The following ANK1 variants were observed in gnomAD, a reference collection of about 807,000 sequenced individuals.
The protein encoded by ANK1 is ankyrin-1.
In ANK1, 51 loss-of-function variants were observed where a neutral mutation model predicts 210.4. That is an observed-to-expected ratio of 0.24 (90% CI 0.19 to 0.31). ANK1 has a LOEUF of 0.31. Among genes scored for constraint, ANK1 ranks in the 10% least tolerant of loss-of-function variants. The probability of loss-of-function intolerance (pLI) is 1.00; values close to 1 mark genes in which losing one functional copy is unlikely to be tolerated. For synonymous variants in ANK1, 967 were observed against 1,025.9 expected (o/e 0.94, Z 1.10); for missense variants, 2,051 against 2,504.4 (o/e 0.82, Z 3.86).
At chr8:41,793,510 G>A (rs1848166223) in intron 1 of ANK1, among the ~76,000 whole-genome samples, 1 of 152,232 alleles carries the variant, frequency 6.6e-6, no homozygotes, top group South Asian at 2.1e-4. Context: ...AAAGTGAAGT[G>A]GTAAGATTTG....
At chr8:41,820,235 C>A (rs747561518) in intron 1 of ANK1, among the ~76,000 whole-genome samples, 4 of 151,724 alleles carry the variant, frequency 2.6e-5, no homozygotes, top group Admixed American at 2.6e-4. Context: ...TCATTGCTTA[C>A]TGCAGCCTCA....
At chr8:41,684,715 C>T (rs779496057) in intron 36 of ANK1, 25 bp from the exon 37 acceptor site, 29 of 1,611,464 alleles carry the variant, frequency 1.8e-5, no homozygotes, top group African/African-American at 6.7e-5. Flanking sequence ...GAGAGATGCA[C>T]GTTACTCCAG....
At chr8:41,843,224 G>A (rs555534453) in intron 1 of ANK1, among the ~76,000 whole-genome samples, 6 of 152,334 alleles carry the variant, frequency 3.9e-5, no homozygotes, top group African/African-American at 1.4e-4. Flanking sequence ...CGGTACGTGA[G>A]AGATTTTGTT....
chr8:41,661,918 C>G lies in ANK1; in HGVS notation c.5502G>C (p.Gln1834His). The change falls in exon 41 of 43, where the codon CAG (glutamine) becomes CAC (histidine). Residue 1834 changes from glutamine (Q) to histidine (H), a missense_variant. Gln to His is a conservative substitution (Grantham distance 24). Around this residue, in one of 6 missense-constraint regions of ANK1, gnomAD observed 496 missense variants for 533.4 expected, o/e 0.93. Transcript: ENST00000289734. ...CGGCATCGGCGCTGGACAAGTCTAT[C>G]TGTCGAACCACCTTGCGAATGATCT... ...TKKIIRKVVRQIDLSSADAAQ... is the reference protein window; with the variant it reads ...TKKIIRKVVRHIDLSSADAAQ... The G allele has an allele frequency of 3.1e-6, 5 of 1,614,084 alleles. No homozygotes were observed. Among genetic ancestry groups the G allele is most frequent in the Non-Finnish European group, 4.2e-6 (5 of 1,180,022 alleles).
chr8:41,859,968 C>T (rs1317746061), intron 1 of ANK1, among the ~76,000 whole-genome samples: 1 of 142,762 alleles, frequency 7.0e-6, no homozygotes, highest in East Asian at 2.0e-4. Context: ...AGGGCTTGAT[C>T]TCACTAAAGA....
intron 2 of ANK1, among the ~76,000 whole-genome samples, chr8:41,744,994 A>C (rs985779933): frequency 6.6e-6 from 1 of 152,212 alleles, no homozygotes; most frequent in Non-Finnish European, 1.5e-5. Flanking sequence ...GGCTGATGAG[A>C]CATGACAACT....
At chr8:41,717,266 C>T (rs942898797) in intron 12 of ANK1, among the ~76,000 whole-genome samples, 3 of 152,070 alleles carry the variant, frequency 2.0e-5, no homozygotes, top group African/African-American at 4.8e-5. Context: ...CAGGTGCATG[C>T]GTGTATATGA....
intron 1 of ANK1, among the ~76,000 whole-genome samples, chr8:41,782,352 G>A (rs1481026779): frequency 6.6e-6 from 1 of 152,186 alleles, no homozygotes; most frequent in Non-Finnish European, 1.5e-5. Flanking sequence ...TTCTTGGGTG[G>A]GTATTTCAAA....
intron 24 of ANK1, 28 bp from the exon 25 acceptor site, chr8:41,696,801 C>A: frequency 6.3e-7 from 1 of 1,578,746 alleles, no homozygotes; most frequent in South Asian, 1.1e-5. Flanking sequence ...GTCCTCCTGT[C>A]CCACCTCCTC....
intron 1 of ANK1, among the ~76,000 whole-genome samples, chr8:41,822,108 G>A (rs11785783): frequency 3.6e-4 from 11 of 30,826 alleles, no homozygotes; most frequent in South Asian, 1.2e-3. Context: ...GAGAGAGAGA[G>A]AGAGAGAAAG....
At chr8:41,819,703 C>T (rs962262619) in intron 1 of ANK1, among the ~76,000 whole-genome samples, 2 of 152,238 alleles carry the variant, frequency 1.3e-5, no homozygotes, top group Non-Finnish European at 2.9e-5. Flanking sequence ...GAGAACGCTG[C>T]TTATGGCTTG....
intron 1 of ANK1, among the ~76,000 whole-genome samples, chr8:41,836,231 G>A (rs112549198): frequency 0.012 from 1,866 of 152,318 alleles, 42 homozygotes; most frequent in African/African-American, 0.041. Flanking sequence ...AGATCCCGTC[G>A]CAACAAAATG....
intron 1 of ANK1, among the ~76,000 whole-genome samples, chr8:41,861,936 C>T (rs1324229822): frequency 3.3e-5 from 5 of 152,226 alleles, no homozygotes; most frequent in African/African-American, 9.6e-5. Context: ...CTTGCACGCT[C>T]CTGCCTTAAA....
intron 4 of ANK1, 135 bp downstream of exon 4, chr8:41,727,773 C>A: frequency 3.7e-6 from 3 of 802,826 alleles, no homozygotes; most frequent in Non-Finnish European, 6.4e-6. Flanking sequence ...CAGAGACATG[C>A]TCCTGAGAAA....
At chr8:41,858,902 G>T (rs185749835) in intron 1 of ANK1, among the ~76,000 whole-genome samples, 2 of 152,344 alleles carry the variant, frequency 1.3e-5, no homozygotes, top group East Asian at 3.9e-4. Flanking sequence ...CCCTAGAGGA[G>T]GGTGGATGAC....
rs1828243283 is a variant in ANK1, at chr8:41,718,190, G to A, written c.1122C>T (p.Pro374=). ...GGTTCTTTTTGCAGGCGATGTGTAA[G>A]GGGGTAAAGCCATTCTGCAGCCCAC... ...PNSRALNGFT[P]LHIACKKNHV... Residue 374 remains proline, a synonymous_variant, in exon 11 of 43, where the codon CCC becomes CCT. Transcript: ENST00000289734. 1 of 1,613,898 alleles carries A rather than the reference G, an allele frequency of 6.2e-7. No individual in the cohort carries two copies. Among genetic ancestry groups the A allele is most frequent in the East Asian group, 2.2e-5 (1 of 44,862 alleles).
Position 41,704,311 on chromosome 8 carries a change from C to A in ANK1, c.2196+63G>T. ...CCTAGTGCTCCCAGAGCAGCTCTGG[C>A]TTTACCCTGATGTGGCATGGAGAAG... On this transcript the variant is annotated intron_variant, in intron 19 of 42. Coordinates refer to ENST00000289734, the MANE Select transcript of ANK1 (RefSeq NM_000037.4). This position sits in a 1 kb window ranked among gnomAD's most constrained non-coding sequence, Gnocchi z 4.1. The A allele has an allele frequency of 6.5e-7, 1 of 1,531,848 alleles. No homozygotes were observed. Among genetic ancestry groups the A allele is most frequent in the Non-Finnish European group, 9.0e-7 (1 of 1,105,808 alleles). The allele number at this position is 1,531,848 out of a possible 1,614,324, so 94.9% of individuals were successfully genotyped here. A position where few individuals can be genotyped will look rare whatever the true frequency, so the allele number is the denominator to read the frequency against.
Position 41,698,031 on chromosome 8 carries a change from G to A in ANK1, c.2637+12C>T. 3 of 1,613,840 alleles carry A rather than the reference G, an allele frequency of 1.9e-6. No individual in the cohort carries two copies. The highest frequency in any genetic ancestry group is 1.7e-5 in the Admixed American group (1 of 60,020). On this transcript the variant is annotated intron_variant, in intron 24 of 42. Coordinates refer to ENST00000289734, the MANE Select transcript of ANK1 (RefSeq NM_000037.4). ...CTCCATGTGGGGAAACCACAGAGAA[G>A]GAGCTTCTCACCTGCTCCTGCTCTT... is the stretch of plus-strand genomic sequence containing the variant.
chr8:41,886,321 C>G (rs909213949), intron 1 of ANK1, among the ~76,000 whole-genome samples: 1 of 152,212 alleles, frequency 6.6e-6, no homozygotes, highest in Admixed American at 6.5e-5. Context: ...CTTCAATCCT[C>G]CCAACAGCCC....
Sources: gnomAD v4.1 joint callset for allele counts (sites outside exome capture counted in the v4.1 genomes callset) on GRCh38, gnomAD v4.1.1 for gene constraint, gnomAD v4.1.1 regional missense constraint, Gnocchi (gnomAD v3.1) non-coding constraint, MANE v1.5 for transcripts, NCBI Gene and HGNC (gene_info 2026-07-23, HGNC 2026-07-21) for gene names.